The following LMOD1 variants were observed in gnomAD, a reference collection of about 807,000 sequenced individuals.
LMOD1 encodes the protein leiomodin-1.
LMOD1 carries 8 observed loss-of-function variants against 36.5 expected under a neutral mutation model. That is an observed-to-expected ratio of 0.22 (90% CI 0.13 to 0.40). LMOD1 has a LOEUF of 0.40. LMOD1 is among the 10% of genes least tolerant of loss of function. LMOD1 has a pLI of 1.00. For synonymous variants in LMOD1, 284 were observed against 288.7 expected (o/e 0.98, Z 0.17); for missense variants, 630 against 751.1 (o/e 0.84, Z 1.88).
chr1:201,907,721 G>C (rs557256269), intron 1 of LMOD1, among the ~76,000 whole-genome samples: 1 of 152,142 alleles, frequency 6.6e-6, no homozygotes, highest in Non-Finnish European at 1.5e-5. Context: ...ATAGCAACTA[G>C]CACTTGTAGG....
At chr1:201,920,134 A>G (rs565293524) in intron 1 of LMOD1, among the ~76,000 whole-genome samples, 105 of 132,108 alleles carry the variant, frequency 7.9e-4, no homozygotes, top group Non-Finnish European at 1.3e-3. Context: ...ATCTTGGCTC[A>G]CTGCAACCTC....
At chr1:201,925,233 A>G (rs1368751039) in intron 1 of LMOD1, among the ~76,000 whole-genome samples, 1 of 152,096 alleles carries the variant, frequency 6.6e-6, no homozygotes, top group African/African-American at 2.4e-5. Flanking sequence ...GAAAAAAAAA[A>G]AGATCTTCCT....
Position 201,900,502 on chromosome 1 carries a change from CCTT to C in LMOD1, c.508_510del (p.Lys170del), listed in dbSNP as rs758120407. 6.8e-6 allele frequency: 11 copies of C among 1,613,764 alleles called. No homozygotes were observed. Among genetic ancestry groups the C allele is most frequent in the Non-Finnish European group, 9.3e-6 (11 of 1,179,870 alleles). ...TCTCCTCTCCCATCCTTCCCTGCCT[CCTT>C]CTTATCCACTGCAGCCCTGACCCGG... On this transcript the variant is annotated inframe_deletion, in exon 2 of 3. Coordinates refer to ENST00000367288, the MANE Select transcript of LMOD1 (RefSeq NM_012134.3).
chr1:201,905,689 A>G (rs984718502), intron 1 of LMOD1, among the ~76,000 whole-genome samples: 2 of 152,190 alleles, frequency 1.3e-5, no homozygotes, highest in Admixed American at 6.5e-5. Context: ...AGGAGGAGGC[A>G]TCTCCCTCTC....
At chr1:201,940,748 A>ACTTT (rs1553299404) in intron 1 of LMOD1, among the ~76,000 whole-genome samples, 1 of 125,248 alleles carries the variant, frequency 8.0e-6, no homozygotes. Flanking sequence ...CACGCCCAGC[A>ACTTT]TTTTTTTTTT....
At chr1:201,942,147 C>A (rs900548948) in intron 1 of LMOD1, among the ~76,000 whole-genome samples, 2 of 152,152 alleles carry the variant, frequency 1.3e-5, no homozygotes, top group Non-Finnish European at 2.9e-5. Flanking sequence ...TCAATTCTTC[C>A]AAGTCCCACC....
Position 201,925,903 on chromosome 1 carries a change from G to A in LMOD1, c.261+20177C>T, listed in dbSNP as rs561683648. 9.7e-4 allele frequency among the ~76,000 whole-genome samples: 148 copies of A among 151,798 alleles called. 1 individual carries two copies. The highest frequency in any genetic ancestry group is 1.5e-3 in the Non-Finnish European group (101 of 67,936). ...AATTCTTTTGGAGAGACTGGGGGGC[G>A]GGGTCTCCCTGTGTTGCCCAGGCTG... On this transcript the variant is annotated intron_variant, in intron 1 of 2. Coordinates refer to ENST00000367288, the MANE Select transcript of LMOD1 (RefSeq NM_012134.3).
At chr1:201,914,514 CATT>C (rs756190284) in intron 1 of LMOD1, among the ~76,000 whole-genome samples, 15 of 152,130 alleles carry the variant, frequency 9.9e-5, no homozygotes, top group Non-Finnish European at 2.1e-4. Context: ...AGGTAACTGT[CATT>C]ATGGGTCTAG....
At chr1:201,943,902 CTAATACTT>C (rs1682161335) in intron 1 of LMOD1, among the ~76,000 whole-genome samples, 1 of 152,176 alleles carries the variant, frequency 6.6e-6, no homozygotes, top group Admixed American at 6.5e-5. Context: ...CCAGGTTTTT[CTAATACTT>C]AAATCCAAGT....
chr1:201,934,357 C>G (rs1345647351), intron 1 of LMOD1, among the ~76,000 whole-genome samples: 2 of 152,120 alleles, frequency 1.3e-5, no homozygotes, highest in Non-Finnish European at 2.9e-5. Context: ...AACCTCCCAT[C>G]ACCACACTTA....
At chr1:201,918,890 G>C (rs1681652047) in intron 1 of LMOD1, among the ~76,000 whole-genome samples, 1 of 152,098 alleles carries the variant, frequency 6.6e-6, no homozygotes, top group Non-Finnish European at 1.5e-5. Flanking sequence ...ATATTTCAGT[G>C]TGTACTCTAT....
intron 1 of LMOD1, among the ~76,000 whole-genome samples, chr1:201,913,754 C>T (rs1681553279): frequency 6.6e-6 from 1 of 152,176 alleles, no homozygotes; most frequent in Non-Finnish European, 1.5e-5. Context: ...ATGGAGGCTG[C>T]TGCCTGTGAA....
chr1:201,942,410 G>T (rs1256741725), intron 1 of LMOD1, among the ~76,000 whole-genome samples: 2 of 152,224 alleles, frequency 1.3e-5, no homozygotes, highest in Non-Finnish European at 2.9e-5. Flanking sequence ...TGGTACCTGA[G>T]ACAGGCAGAA....
chr1:201,896,869 G>A lies in LMOD1; in HGVS notation c.*1503C>T, dbSNP rs185891740. 2.9e-4 allele frequency: 104 copies of A among 363,558 alleles called. No individual in the cohort carries two copies. In the East Asian group the frequency reaches 5.8e-3, roughly 20 times the overall value. The allele number at this position is 363,558 out of a possible 1,614,324, so 22.5% of individuals were successfully genotyped here. A position where few individuals can be genotyped will look rare whatever the true frequency, so the allele number is the denominator to read the frequency against. ...TGGTTTTGGTCAGACCTAGCACAGC[G>A]ATCTTGCTTCCTAGCTGGGGCACCC... On this transcript the variant is annotated 3_prime_UTR_variant, in exon 3 of 3. Transcript: ENST00000367288.
chr1:201,929,908 A>T, intron 1 of LMOD1, among the ~76,000 whole-genome samples: 1 of 152,198 alleles, frequency 6.6e-6, no homozygotes, highest in East Asian at 1.9e-4. Context: ...TTGTGAACAC[A>T]GAGGTGGAGC....
chr1:201,924,692 A>C (rs527405921), intron 1 of LMOD1, among the ~76,000 whole-genome samples: 1 of 120,222 alleles, frequency 8.3e-6, no homozygotes, highest in Admixed American at 8.9e-5. Context: ...AAAGAAAGAA[A>C]GAAAGAAAGA....
At chr1:201,933,643 G>A (rs2102928242) in intron 1 of LMOD1, among the ~76,000 whole-genome samples, 1 of 124,008 alleles carries the variant, frequency 8.1e-6, no homozygotes, top group South Asian at 2.7e-4. Context: ...TAACCTAGGG[G>A]ATTAGAAATC....
At chr1:201,902,282 A>G (rs1336120767) in intron 1 of LMOD1, among the ~76,000 whole-genome samples, 1 of 150,234 alleles carries the variant, frequency 6.7e-6, no homozygotes, top group Non-Finnish European at 1.5e-5. Flanking sequence ...CTCTGTGGAG[A>G]GCCCTGGAAT....
intron 1 of LMOD1, among the ~76,000 whole-genome samples, chr1:201,924,763 G>A (rs904258446): frequency 6.6e-6 from 1 of 152,186 alleles, no homozygotes; most frequent in Non-Finnish European, 1.5e-5. Flanking sequence ...AGTGGCATGT[G>A]CCTGCAGTCG....
Sources: allele counts gnomAD v4.1 joint callset (sites outside exome capture counted in the v4.1 genomes callset), GRCh38; gene constraint gnomAD v4.1.1; transcripts MANE v1.5; gene names NCBI Gene and HGNC (gene_info 2026-07-23, HGNC 2026-07-21).